Variants in RGP1 observed in about 807,000 individuals in gnomAD.
RGP1 encodes RAB6A-GEF complex partner protein 2.
RGP1 carries 28 observed loss-of-function variants against 44.5 expected under a neutral mutation model. The ratio of observed to expected loss-of-function variants is 0.63; its 90% CI spans 0.47 to 0.86. The LOEUF (loss-of-function observed/expected upper bound fraction) is 0.86. Ranked by LOEUF, RGP1 falls within the 40% of genes least tolerant of loss-of-function variation. The probability of loss-of-function intolerance (pLI) is 0.00; values close to 1 mark genes in which losing one functional copy is unlikely to be tolerated. For synonymous variants in RGP1, 212 were observed against 196.7 expected, an observed-to-expected ratio of 1.08 and a Z score of -0.65; for missense variants, 417 against 490.7, an observed-to-expected ratio of 0.85 and a Z score of 1.42.
At chr9:35,769,174 A>C in the RGP1 span, among the ~76,000 whole-genome samples, 1 of 152,268 alleles carries the variant, frequency 6.6e-6, no homozygotes, top group Admixed American at 6.5e-5. Context: ...CTGCCTCAGC[A>C]CCACCAGTGT....
At chr9:35,777,028 C>T in the RGP1 span, among the ~76,000 whole-genome samples, 2 of 147,908 alleles carry the variant, frequency 1.4e-5, no homozygotes, top group Admixed American at 1.4e-4. Flanking sequence ...TGTGGAAAAT[C>T]AAAATAATTG....
At chr9:35,766,781 G>T in the RGP1 span, among the ~76,000 whole-genome samples, 1 of 152,158 alleles carries the variant, frequency 6.6e-6, no homozygotes, top group South Asian at 2.1e-4. Context: ...CTTTTGTTCT[G>T]TGTATTATAT....
chr9:35,751,628 T>C lies in RGP1; in HGVS notation c.636T>C (p.His212=), dbSNP rs530189856. 2 of 1,613,964 alleles carry C rather than the reference T, an allele frequency of 1.2e-6. No individual in the cohort carries two copies. The highest frequency in any genetic ancestry group is 2.7e-5 in the African/African-American group (2 of 75,032). ...LMAATSCRSL[H]LYNISDGRGK... is the part of the protein sequence containing the mutation. ...CTTATAGTGTCCTATTCTCCCCAGA[T>C]CTATACAATATCAGTGATGGCCGAG... The change falls in exon 7 of 9, where the codon CAT becomes CAC. Residue 212 remains histidine, a splice_region_variant and synonymous_variant. Coordinates refer to ENST00000378078, the MANE Select transcript of RGP1 (RefSeq NM_001080496.3).
chr9:35,778,372 T>C, the RGP1 span, among the ~76,000 whole-genome samples: 1 of 152,212 alleles, frequency 6.6e-6, no homozygotes, highest in East Asian at 1.9e-4. Context: ...AGATACCTTG[T>C]TCCCCTTCAG....
downstream of RGP1, among the ~76,000 whole-genome samples, chr9:35,763,144 G>T (rs1373278083): frequency 6.6e-6 from 1 of 152,150 alleles, no homozygotes; most frequent in Non-Finnish European, 1.5e-5. Flanking sequence ...CACTTAACTA[G>T]TCTCCTTGCT....
At chr9:35,781,983 GTTTTTTTTTTTT>G in the RGP1 span, among the ~76,000 whole-genome samples, 1 of 90,654 alleles carries the variant, frequency 1.1e-5, no homozygotes, top group Non-Finnish European at 2.2e-5. Context: ...TATTTCTCTC[GTTTTTTTTTTTT>G]TTTTTTTTTG....
chr9:35,753,171 C>T lies in RGP1; in HGVS notation c.*297C>T, dbSNP rs554326292. The T allele has an allele frequency of 3.0e-5, 49 of 1,614,196 alleles. No individual in the cohort carries two copies. The highest frequency in any genetic ancestry group is 1.7e-4 in the Admixed American group (10 of 60,028). On this transcript the variant is annotated 3_prime_UTR_variant, in exon 9 of 9. Coordinates refer to ENST00000378078, the MANE Select transcript of RGP1 (RefSeq NM_001080496.3). The surrounding 1 kb of genome is among the most constrained non-coding windows in gnomAD (Gnocchi z 4.2). The stretch of plus-strand genomic sequence containing the variant: ...GAGCCCCATTCTGGGTCAGGCCCTC[C>T]CCCTTTGCAGGGCAGCCGAGGGTCA...
the RGP1 span, among the ~76,000 whole-genome samples, chr9:35,770,492 G>GGA: frequency 0.018 from 1,952 of 107,018 alleles, 77 homozygotes; most frequent in Non-Finnish European, 0.02. Flanking sequence ...GTATTACCAT[G>GGA]GAGAGAGAGA....
Position 35,754,362 on chromosome 9 carries a change from G to A in RGP1, c.*1488G>A, listed in dbSNP as rs1169900214. ...TGGAAAAGTTGTAACTCTGTTTCCT[G>A]AGGTGAGGGCATGAAAACAAGAGGT... On this transcript the variant is annotated 3_prime_UTR_variant, in exon 9 of 9. Coordinates refer to ENST00000378078, the MANE Select transcript of RGP1 (RefSeq NM_001080496.3). The A allele has an allele frequency of 2.3e-6, 1 of 433,842 alleles. No individual in the cohort carries two copies. The highest frequency in any genetic ancestry group is 2.0e-5 in the African/African-American group (1 of 49,180). The allele number at this position is 433,842 out of a possible 1,614,324, so 26.9% of individuals were successfully genotyped here.
chr9:35,751,094 A>C (rs1024035164), intron 5 of RGP1, 105 bp downstream of exon 5: 11 of 1,501,124 alleles, frequency 7.3e-6, no homozygotes, highest in Admixed American at 7.0e-5. Flanking sequence ...TCCTGGTCTC[A>C]GTGACAGTGC....
downstream of RGP1, among the ~76,000 whole-genome samples, chr9:35,761,672 T>TCAAA (rs536830381): frequency 1.4e-4 from 21 of 151,890 alleles, no homozygotes; most frequent in East Asian, 5.8e-4. Context: ...AGACCCTGTC[T>TCAAA]CAAACAAACA....
At chr9:35,770,538 A>T in the RGP1 span, among the ~76,000 whole-genome samples, 1 of 110,454 alleles carries the variant, frequency 9.1e-6, no homozygotes, top group Non-Finnish European at 2.0e-5. Flanking sequence ...AGAGAGAGAG[A>T]GTTGAGTGGA....
chr9:35,752,814 T>C lies in RGP1; in HGVS notation c.1116T>C (p.Thr372=). Residue 372 remains threonine (T), a synonymous_variant, in exon 9 of 9, where the codon ACT becomes ACC. Transcript: ENST00000378078. ...ACCTGCCCATCAAGGTGCTGCCTAC[T>C]AGCCCCACCCTGGCCTCATATGCTG... is the stretch of plus-strand genomic sequence containing the variant. The part of the protein sequence containing the change: ...SWDLPIKVLP[T]SPTLASYAAP... 1 of 1,613,874 alleles carries C rather than the reference T, an allele frequency of 6.2e-7. No homozygotes were observed. Among genetic ancestry groups the C allele is most frequent in the Non-Finnish European group, 8.5e-7 (1 of 1,179,836 alleles).
At position 35,752,122 on chromosome 9, in the gene RGP1, C is replaced by T; in HGVS notation, c.929C>T (p.Thr310Ile). 6.3e-7 allele frequency: 1 copy of T among 1,577,322 alleles called. No homozygotes were observed. The highest frequency in any genetic ancestry group is 8.6e-7 in the Non-Finnish European group (1 of 1,162,656). ...SFSLPIPLSS[T>I]PGFCTAIVSL... The stretch of plus-strand genomic sequence containing the variant: ...TCCCTCCCAATCCCTCTCAGCTCCA[C>T]CCCAGGCTTCTGTACAGCCATTGGT... Residue 310 changes from threonine (T) to isoleucine (I), a missense_variant, in exon 8 of 9, where the codon ACC (threonine) becomes ATC (isoleucine). Thr to Ile is a moderately conservative substitution (Grantham distance 89). Coordinates refer to ENST00000378078, the MANE Select transcript of RGP1 (RefSeq NM_001080496.3).
downstream of RGP1, among the ~76,000 whole-genome samples, chr9:35,761,434 C>A (rs2132043172): frequency 6.6e-6 from 1 of 151,864 alleles, no homozygotes; most frequent in South Asian, 2.1e-4. Flanking sequence ...ACTTTGGGAA[C>A]ATGAGGCAGA....
the RGP1 span, among the ~76,000 whole-genome samples, chr9:35,771,113 C>T: frequency 3.9e-5 from 6 of 152,072 alleles, no homozygotes; most frequent in African/African-American, 7.2e-5. Context: ...TTCTCTAGCC[C>T]AGTTGATTCT....
the RGP1 span, among the ~76,000 whole-genome samples, chr9:35,774,488 G>C: frequency 6.6e-6 from 1 of 152,240 alleles, no homozygotes; most frequent in Non-Finnish European, 1.5e-5. Context: ...AGCACTTTGG[G>C]AGGCTGAGGC....
At chr9:35,780,898 A>G in the RGP1 span, among the ~76,000 whole-genome samples, 1 of 152,150 alleles carries the variant, frequency 6.6e-6, no homozygotes, top group Non-Finnish European at 1.5e-5. Context: ...GTCTCAAAAT[A>G]TGACCAAATA....
Position 35,758,303 on chromosome 9 carries a change from A to T in RGP1, c.*5429A>T, listed in dbSNP as rs1461574345. The T allele has an allele frequency of 6.6e-6, 1 of 152,264 alleles. No homozygotes were observed. The highest frequency in any genetic ancestry group is 2.4e-5 in the African/African-American group (1 of 41,470). The allele number at this position is 152,264 out of a possible 1,614,324, so 9.4% of individuals were successfully genotyped here. On this transcript the variant is annotated 3_prime_UTR_variant, in exon 9 of 9. Coordinates refer to ENST00000378078, the MANE Select transcript of RGP1 (RefSeq NM_001080496.3). ...ATCTTCTGTGGATGTGTATGTAATT[A>T]TACAGTTTCTGTATTTATCCTGTGG... is the stretch of plus-strand genomic sequence containing the variant.
Sources: gnomAD v4.1 joint callset for allele counts (sites outside exome capture counted in the v4.1 genomes callset) on GRCh38, gnomAD v4.1.1 for gene constraint, Gnocchi (gnomAD v3.1) non-coding constraint, MANE v1.5 for transcripts, NCBI Gene and HGNC (gene_info 2026-07-23, HGNC 2026-07-21) for gene names.